Variants in PLXDC2 observed in about 807,000 individuals in gnomAD.
PLXDC2 encodes plexin domain containing 2, also known as plexin domain-containing protein 2.
A neutral mutation model predicts 68.9 loss-of-function variants in PLXDC2; 40 were observed. That is an observed-to-expected ratio of 0.58 (90% confidence interval 0.45 to 0.76). The LOEUF is 0.76. Among genes scored for constraint, PLXDC2 ranks in the 30% least tolerant of loss-of-function variants. PLXDC2 has a pLI of 0.00. For missense variants in PLXDC2, 644 were observed against 661.9 expected (o/e 0.97, Z 0.30); for synonymous variants, 243 against 234.2 (o/e 1.04, Z -0.34).
chr10:20,258,835 G>A (rs1381039230), intron 13 of PLXDC2, among the ~76,000 whole-genome samples: 1 of 151,876 alleles, frequency 6.6e-6, no homozygotes, highest in African/African-American at 2.4e-5. Context: ...GTGAAACCCC[G>A]TCTCTACCAA....
intron 2 of PLXDC2, among the ~76,000 whole-genome samples, chr10:20,002,618 A>G (rs921394450): frequency 2.0e-5 from 3 of 152,146 alleles, no homozygotes; most frequent in African/African-American, 7.2e-5. Context: ...GATATGTACA[A>G]TCAAAGTATG....
chr10:19,983,202 G>A (rs1410673913), intron 1 of PLXDC2, among the ~76,000 whole-genome samples: 1 of 151,968 alleles, frequency 6.6e-6, no homozygotes, highest in East Asian at 1.9e-4. Flanking sequence ...TCTAATTATC[G>A]GTAGTAGATT....
rs569244573 is a variant in PLXDC2, at chr10:20,235,115, G to A, written c.1313-10230G>A. ...TTCTATATCCTATGTCCAAGCTACC[G>A]TTTGGGACAACATGGTTCCCTTCAG... On this transcript the variant is annotated intron_variant, in intron 12 of 13. Transcript: ENST00000377252. 3.3e-5 allele frequency among the ~76,000 whole-genome samples: 5 copies of A among 152,290 alleles called. No individual in the cohort carries two copies. The South Asian group carries it at 6.2e-4, about 19-fold the overall frequency.
At chr10:20,248,247 G>A (rs1248983492) in intron 13 of PLXDC2, among the ~76,000 whole-genome samples, 1 of 152,152 alleles carries the variant, frequency 6.6e-6, no homozygotes, top group Non-Finnish European at 1.5e-5. Context: ...CAAAATAGTG[G>A]AATATTGTTT....
intron 13 of PLXDC2, among the ~76,000 whole-genome samples, chr10:20,258,210 C>G (rs1835767294): frequency 6.6e-6 from 1 of 151,854 alleles, no homozygotes; most frequent in African/African-American, 2.4e-5. Context: ...ACTATGGTGG[C>G]CAGGCTGGTC....
chr10:19,959,150 G>A (rs1834117336), intron 1 of PLXDC2, among the ~76,000 whole-genome samples: 1 of 152,178 alleles, frequency 6.6e-6, no homozygotes, highest in Admixed American at 6.5e-5. Flanking sequence ...GAGATGTTGA[G>A]CAGTTTACCC....
chr10:20,154,839 A>T (rs1024378051), intron 6 of PLXDC2, among the ~76,000 whole-genome samples: 1 of 151,922 alleles, frequency 6.6e-6, no homozygotes, highest in Non-Finnish European at 1.5e-5. Context: ...AGGTTAGGAA[A>T]CTGTAATTTA....
At chr10:19,822,175 A>G (rs961976977) in intron 1 of PLXDC2, among the ~76,000 whole-genome samples, 18 of 149,724 alleles carry the variant, frequency 1.2e-4, no homozygotes, top group African/African-American at 4.4e-4. Flanking sequence ...TATATACACT[A>G]TATATGCACT....
At chr10:19,949,973 T>C (rs879847299) in intron 1 of PLXDC2, among the ~76,000 whole-genome samples, 10 of 152,202 alleles carry the variant, frequency 6.6e-5, no homozygotes, top group Admixed American at 2.6e-4. Flanking sequence ...TCTTTCAAAG[T>C]GATACTTTCC....
At chr10:20,110,859 C>T (rs540055503) in intron 4 of PLXDC2, among the ~76,000 whole-genome samples, 17 of 152,300 alleles carry the variant, frequency 1.1e-4, no homozygotes, top group Admixed American at 2.6e-4. Flanking sequence ...TTATTCCCCA[C>T]ACAGACTCTG....
At chr10:19,936,540 C>T (rs1285160015) in intron 1 of PLXDC2, among the ~76,000 whole-genome samples, 3 of 152,270 alleles carry the variant, frequency 2.0e-5, no homozygotes, top group African/African-American at 7.2e-5. Context: ...AATTTGCCAG[C>T]CTCTGCTTTA....
At position 20,089,826 on chromosome 10, in the gene PLXDC2, A is replaced by G. The variant is rs76368902; in HGVS notation, c.541+21587A>G. Reference sequence around the variant, plus strand: ...CCCAAGAGAGAATAATAATTAACTGATATAAGAAACACAGAACAAATAAAA... The same window carrying G: ...CCCAAGAGAGAATAATAATTAACTGGTATAAGAAACACAGAACAAATAAAA... On this transcript the variant is annotated intron_variant, in intron 4 of 13. Coordinates refer to ENST00000377252, the MANE Select transcript of PLXDC2 (RefSeq NM_032812.9). Among the ~76,000 whole-genome samples, 3 of 152,360 alleles carry G rather than the reference A, an allele frequency of 2.0e-5. No individual in the cohort carries two copies. In the East Asian group the frequency reaches 5.8e-4, roughly 29 times the overall value.
Position 20,288,775 on chromosome 10 carries a change from A to AT in PLXDC2, c.*8963dup, listed in dbSNP as rs1037874106. On this transcript the variant is annotated 3_prime_UTR_variant, in exon 14 of 14. Transcript: ENST00000377252. The stretch of plus-strand genomic sequence containing the variant: ...CTGCTTACAGTGTGTGGGAAATCTG[A>AT]TTTTTTTCCCCTAGTAATAGTTTGA... The AT allele has an allele frequency of 1.7e-4, 26 of 152,078 alleles. No individual in the cohort carries two copies. Among genetic ancestry groups the AT allele is most frequent in the African/African-American group, 5.8e-4 (24 of 41,474 alleles). 9.4% of individuals were successfully genotyped at this position (152,078 alleles called of 1,614,324 possible).
In PLXDC2 at chr10:20,069,043, G is replaced by A. The variant is rs11011779; in HGVS notation, c.541+804G>A. On this transcript the variant is annotated intron_variant, in intron 4 of 13. Coordinates refer to ENST00000377252, the MANE Select transcript of PLXDC2 (RefSeq NM_032812.9). ...GAAGTAATTGAAAGAAATTCCATAG[G>A]TGTACAAAGAGGCTGTGAGCATCTA... Among the ~76,000 whole-genome samples the A allele has an allele frequency of 7.7e-3, 1,177 of 152,212 alleles. 13 individuals are homozygous for A. Among genetic ancestry groups the A allele is most frequent in the African/African-American group, 0.027 (1,108 of 41,516 alleles).
chr10:20,198,461 T>A (rs929458067), intron 9 of PLXDC2, among the ~76,000 whole-genome samples: 1 of 152,110 alleles, frequency 6.6e-6, no homozygotes, highest in Non-Finnish European at 1.5e-5. Context: ...TATTTTTAAT[T>A]TTTGTGGGTA....
chr10:19,852,425 CAAAAAAAA>C (rs61430454), intron 1 of PLXDC2, among the ~76,000 whole-genome samples: 56 of 61,920 alleles, frequency 9.0e-4, no homozygotes, highest in African/African-American at 2.1e-3. Context: ...GACCCTGTCT[CAAAAAAAA>C]AAAAAAAAAA....
chr10:20,224,980 C>T (rs1835266950), intron 12 of PLXDC2, among the ~76,000 whole-genome samples: 1 of 151,894 alleles, frequency 6.6e-6, no homozygotes, highest in South Asian at 2.1e-4. Flanking sequence ...GAATGGTGTC[C>T]CCATCAAGGA....
Position 20,001,840 on chromosome 10 carries a change from G to A in PLXDC2, c.178G>A (p.Ala60Thr), listed in dbSNP as rs200431336. 9.5e-5 allele frequency: 154 copies of A among 1,613,980 alleles called. 1 individual carries two copies. The African/African-American group carries it at 1.7e-3, about 17-fold the overall frequency. Residue 60 changes from alanine (A) to threonine (T), a missense_variant, in exon 2 of 14, where the codon GCG becomes ACG. Ala to Thr is a moderately conservative substitution (Grantham distance 58, BLOSUM62 0). Around this residue, in one of 3 missense-constraint regions of PLXDC2, gnomAD observed 201 missense variants for 166.9 expected, o/e 1.20. Coordinates refer to ENST00000377252, the MANE Select transcript of PLXDC2 (RefSeq NM_032812.9). The stretch of plus-strand genomic sequence containing the variant: ...GGAGGAGGTGGAAGTTGATTCACAC[G>A]CGTACAGCCACAGGTGGAAAAGAAA... ...TEEEVEVDSHAYSHRWKRNLD... is the reference protein window; with the variant it reads ...TEEEVEVDSHTYSHRWKRNLD...
intron 1 of PLXDC2, among the ~76,000 whole-genome samples, chr10:19,973,931 A>G (rs1016532232): frequency 1.3e-5 from 2 of 152,244 alleles, no homozygotes; most frequent in African/African-American, 4.8e-5. Flanking sequence ...AAGAATAAGG[A>G]GCTAAAATTA....
Sources: gnomAD v4.1 joint callset for allele counts (sites outside exome capture counted in the v4.1 genomes callset) on GRCh38, gnomAD v4.1.1 for gene constraint, gnomAD v4.1.1 regional missense constraint, MANE v1.5 for transcripts, NCBI Gene and HGNC (gene_info 2026-07-23, HGNC 2026-07-21) for gene names.